USP5: variants seen among roughly 807,000 people sequenced by gnomAD.
The protein encoded by USP5 is ubiquitin specific peptidase 5, also known as ubiquitin carboxyl-terminal hydrolase 5.
USP5 carries 24 observed loss-of-function variants against 102.5 expected under a neutral mutation model. That is an observed-to-expected ratio of 0.23 (90% confidence interval 0.17 to 0.33). The LOEUF (loss-of-function observed/expected upper bound fraction) is 0.33, where lower values mean the gene tolerates loss of function less well. Ranked by LOEUF, USP5 falls within the 10% of genes least tolerant of loss-of-function variation. The pLI is 1.00. For missense variants in USP5, 753 were observed against 1,122.1 expected, an observed-to-expected ratio of 0.67 and a Z score of 4.70; for synonymous variants, 460 against 434.8, an observed-to-expected ratio of 1.06 and a Z score of -0.72.
Position 6,863,154 on chromosome 12 carries a change from C to G in USP5, c.1763-32C>G. 1 of 1,580,018 alleles carries G rather than the reference C, an allele frequency of 6.3e-7. No homozygotes were observed. Among genetic ancestry groups the G allele is most frequent in the East Asian group, 2.2e-5 (1 of 44,524 alleles). On this transcript the variant is annotated intron_variant, in intron 14 of 19. Coordinates refer to ENST00000229268, the MANE Select transcript of USP5 (RefSeq NM_001098536.2). The surrounding 1 kb of genome is among the most constrained non-coding windows in gnomAD (Gnocchi z 4.7). ...CCGAATCACTTTCCAGGTAGGCCTC[C>G]GGGAGCTGCTGAGGTGACCCTTTTC...
At position 6,860,525 on chromosome 12, in the gene USP5, C is replaced by T; in HGVS notation, c.1344+34C>T. The T allele has an allele frequency of 6.2e-7, 1 of 1,611,618 alleles. No individual in the cohort carries two copies. Among genetic ancestry groups the T allele is most frequent in the African/African-American group, 1.3e-5 (1 of 74,982 alleles). ...TGGCAAGATGGCACACCCCCATCTTCCTGCAATTTACTCGCTCTCCTTCCT... is the reference window on the plus strand; with the variant it reads ...TGGCAAGATGGCACACCCCCATCTTTCTGCAATTTACTCGCTCTCCTTCCT... On this transcript the variant is annotated intron_variant, in intron 11 of 19. Transcript: ENST00000229268. This position sits in a 1 kb window ranked among gnomAD's most constrained non-coding sequence, Gnocchi z 5.5.
rs1282125573 is a variant in USP5, at chr12:6,858,775, T to C, written c.1058+158T>C. Reference sequence around the variant, plus strand: ...GGCCCACACCCGTAATCCCAGTACTTCGGGAGGCCAAGATGGGAGAATTGC... The same window carrying C: ...GGCCCACACCCGTAATCCCAGTACTCCGGGAGGCCAAGATGGGAGAATTGC... On this transcript the variant is annotated intron_variant, in intron 8 of 19. Coordinates refer to ENST00000229268, the MANE Select transcript of USP5 (RefSeq NM_001098536.2). The surrounding 1 kb of genome is among the most constrained non-coding windows in gnomAD (Gnocchi z 4.2). 8 of 631,846 alleles carry C rather than the reference T, an allele frequency of 1.3e-5. No individual in the cohort carries two copies. Among genetic ancestry groups the C allele is most frequent in the Non-Finnish European group, 1.8e-5 (7 of 390,254 alleles). 39.1% of individuals were successfully genotyped at this position (631,846 alleles called of 1,614,324 possible).
chr12:6,852,322 C>T (rs781809049), intron 1 of USP5, 32 bp downstream of exon 1: 6 of 1,578,166 alleles, frequency 3.8e-6, no homozygotes, highest in Non-Finnish European at 5.2e-6. Context: ...GCAACGAGCA[C>T]GACTTCCTTC....
Position 6,864,871 on chromosome 12 carries a change from T to C in USP5, c.2394T>C (p.Pro798=). Residue 798 remains proline (P), a synonymous_variant, in exon 18 of 20, where the codon CCT becomes CCC. Coordinates refer to ENST00000229268, the MANE Select transcript of USP5 (RefSeq NM_001098536.2). This position sits in a 1 kb window ranked among gnomAD's most constrained non-coding sequence, Gnocchi z 4.8. Reference sequence around the variant, plus strand: ...TGGGACCTAAAGTCCGGGATGGTCCTGGAAGTGAGTATCCCCAGGAAGCAG... The same window carrying C: ...TGGGACCTAAAGTCCGGGATGGTCCCGGAAGTGAGTATCCCCAGGAAGCAG... ...VPVGPKVRDG[P]GKYQLFAFIS... is the part of the protein sequence containing the mutation. 1.2e-6 allele frequency: 2 copies of C among 1,613,270 alleles called. No individual in the cohort carries two copies. Among genetic ancestry groups the C allele is most frequent in the East Asian group, 2.2e-5 (1 of 44,870 alleles).
At position 6,858,451 on chromosome 12, in the gene USP5, A is replaced by G; in HGVS notation, c.892A>G (p.Ile298Val). ...KTDKTMTELE[I>V]DMNQRIGEWE... ...AGACAAGACGATGACTGAGTTGGAG[A>G]TAGACATGAACCAGCGGATTGGTGA... Residue 298 changes from isoleucine to valine, a missense_variant, in exon 8 of 20, where the codon ATA (isoleucine) becomes GTA (valine). Transcript: ENST00000229268. The surrounding 1 kb of genome is among the most constrained non-coding windows in gnomAD (Gnocchi z 4.2). 6.2e-7 allele frequency: 1 copy of G among 1,608,158 alleles called. No homozygotes were observed. The highest frequency in any genetic ancestry group is 8.5e-7 in the Non-Finnish European group (1 of 1,174,906).
In USP5 at chr12:6,860,018, G is replaced by T; in HGVS notation, c.1131-133G>T. The T allele has an allele frequency of 1.1e-6, 1 of 947,430 alleles. No individual in the cohort carries two copies. 58.7% of individuals were successfully genotyped at this position (947,430 alleles called of 1,614,324 possible). A position where few individuals can be genotyped will look rare whatever the true frequency, so the allele number is the denominator to read the frequency against. ...TGGACGTGTTGTCTGTCTTGAGCTG[G>T]GTTCCTGTAGAATCTAAGGTTTTTC... On this transcript the variant is annotated intron_variant, in intron 9 of 19. Transcript: ENST00000229268. This position sits in a 1 kb window ranked among gnomAD's most constrained non-coding sequence, Gnocchi z 5.5.
chr12:6,859,848 G>T (rs966156744), intron 9 of USP5, among the ~76,000 whole-genome samples: 4 of 152,082 alleles, frequency 2.6e-5, no homozygotes, highest in Non-Finnish European at 4.4e-5. Context: ...GTAGAGACGG[G>T]GTTTCATCAT....
In USP5 at chr12:6,864,443, A is replaced by T. The variant is rs1944368679; in HGVS notation, c.2244+248A>T. On this transcript the variant is annotated intron_variant, in intron 17 of 19. Transcript: ENST00000229268. This position sits in a 1 kb window ranked among gnomAD's most constrained non-coding sequence, Gnocchi z 4.8. ...GGTGGCTCACGCCTGTAATCCCAGC[A>T]CTTTGGGAGGGTGAGGTGGGCGGAT... Among the ~76,000 whole-genome samples the T allele has an allele frequency of 1.3e-5, 2 of 152,224 alleles. No individual in the cohort carries two copies. Among genetic ancestry groups the T allele is most frequent in the Non-Finnish European group, 2.9e-5 (2 of 68,042 alleles).
chr12:6,856,961 A>T lies in USP5; in HGVS notation c.769+70A>T. Reference sequence around the variant, plus strand: ...TCATTTGTTAGTAATTTCGTGTGACATGTATAATACATGAATGCATTATCT... The same window carrying T: ...TCATTTGTTAGTAATTTCGTGTGACTTGTATAATACATGAATGCATTATCT... On this transcript the variant is annotated intron_variant, in intron 6 of 19. Transcript: ENST00000229268. The surrounding 1 kb of genome is among the most constrained non-coding windows in gnomAD (Gnocchi z 5.6). The T allele has an allele frequency of 6.5e-7, 1 of 1,549,356 alleles. No individual in the cohort carries two copies. Among genetic ancestry groups the T allele is most frequent in the Non-Finnish European group, 8.7e-7 (1 of 1,144,182 alleles).
rs1944241697 is a variant in USP5, at chr12:6,860,299, G to A, written c.1218+61G>A. ...ATTGTGGGGAAGCTGAGGTCTGGGA[G>A]ATGTCTAAAGAAGGCCCCTGGATGG... On this transcript the variant is annotated intron_variant, in intron 10 of 19. Transcript: ENST00000229268. The surrounding 1 kb of genome is among the most constrained non-coding windows in gnomAD (Gnocchi z 5.5). The A allele has an allele frequency of 1.2e-6, 2 of 1,612,488 alleles. No individual in the cohort carries two copies. The highest frequency in any genetic ancestry group is 1.7e-5 in the Admixed American group (1 of 59,936).
Position 6,862,539 on chromosome 12 carries a change from C to T in USP5, c.1743C>T (p.Asp581=), listed in dbSNP as rs782673222. The T allele has an allele frequency of 7.2e-5, 117 of 1,614,170 alleles. 1 individual carries two copies. The South Asian group carries it at 1.2e-3, about 17-fold the overall frequency. ...TCAAGAAGTTCACCTTCGGCTTAGA[C>T]TGGGTGCCCAAGAAACTGGGTATGG... The part of the protein sequence containing the change: ...IQIKKFTFGL[D]WVPKKLDVSI... Residue 581 remains aspartate, a synonymous_variant, in exon 14 of 20, where the codon GAC becomes GAT. Coordinates refer to ENST00000229268, the MANE Select transcript of USP5 (RefSeq NM_001098536.2).
rs1377250348 is a variant in USP5 at position 6,860,822 on chromosome 12, TCTGCTCTGCTC to T, written c.1345-130_1345-120del. The T allele has an allele frequency of 2.0e-4, 277 of 1,360,476 alleles. 1 individual carries two copies. Among genetic ancestry groups the T allele is most frequent in the Non-Finnish European group, 2.7e-4 (269 of 987,388 alleles). 84.3% of individuals were successfully genotyped at this position (1,360,476 alleles called of 1,614,324 possible). A position where few individuals can be genotyped will look rare whatever the true frequency, so the allele number is the denominator to read the frequency against. Reference sequence around the variant, plus strand: ...AGGGGTTGGTGAATTAGGGAAGGTTTCTGCTCTGCTCTTGTGTCCCTGAGTTCCGAGTGGTA... The same window carrying T: ...AGGGGTTGGTGAATTAGGGAAGGTTTTTGTGTCCCTGAGTTCCGAGTGGTA... On this transcript the variant is annotated intron_variant, in intron 11 of 19. Coordinates refer to ENST00000229268, the MANE Select transcript of USP5 (RefSeq NM_001098536.2). This position sits in a 1 kb window ranked among gnomAD's most constrained non-coding sequence, Gnocchi z 5.5.
chr12:6,856,873 A>G lies in USP5; in HGVS notation c.751A>G (p.Ile251Val), dbSNP rs1555128453. 2.5e-6 allele frequency: 4 copies of G among 1,614,046 alleles called. No homozygotes were observed. The South Asian group carries it at 3.3e-5, about 13-fold the overall frequency. Residue 251 changes from isoleucine to valine, a missense_variant, in exon 6 of 20, where the codon ATC (isoleucine) becomes GTC (valine). By Grantham distance (29) the Ile-to-Val change is conservative (BLOSUM62 3). Around this residue, in one of 3 missense-constraint regions of USP5, gnomAD observed 527 missense variants for 816.5 expected, o/e 0.65. Coordinates refer to ENST00000229268, the MANE Select transcript of USP5 (RefSeq NM_001098536.2). The surrounding 1 kb of genome is among the most constrained non-coding windows in gnomAD (Gnocchi z 5.6). ...CCCGTTAGCTGTCAAGCTGGGCACC[A>G]TCACCCCTGATGGAGCTGGTACAGC... ...GYPLAVKLGT[I>V]TPDGADVYSY...
chr12:6,866,364 G>A lies in USP5; in HGVS notation c.*287G>A. On this transcript the variant is annotated 3_prime_UTR_variant, in exon 20 of 20. Transcript: ENST00000229268. The surrounding 1 kb of genome is among the most constrained non-coding windows in gnomAD (Gnocchi z 4.7). The stretch of plus-strand genomic sequence containing the variant: ...AATCCACAGTGCTCTGCTTCTCTGT[G>A]TCGCCCCGCCCAGCCCCCTGGTGTG... 1 of 412,506 alleles carries A rather than the reference G, an allele frequency of 2.4e-6. No homozygotes were observed. 25.6% of individuals were successfully genotyped at this position (412,506 alleles called of 1,614,324 possible).
chr12:6,854,743 G>C (rs1944057668), intron 1 of USP5, among the ~76,000 whole-genome samples: 1 of 152,032 alleles, frequency 6.6e-6, no homozygotes, highest in East Asian at 1.9e-4. Context: ...GGGTGACAGA[G>C]TGCAGTGTCT....
At chr12:6,853,977 GA>G (rs1944032738) in intron 1 of USP5, among the ~76,000 whole-genome samples, 1 of 152,186 alleles carries the variant, frequency 6.6e-6, no homozygotes, top group Non-Finnish European at 1.5e-5. Context: ...CCTGGAAGAG[GA>G]TGTCTGTTGT....
Position 6,858,983 on chromosome 12 carries a change from A to G in USP5, c.1058+366A>G, listed in dbSNP as rs781858031. ...CTGATAGTGCAGAGTGCCAAGTCCC[A>G]GGGCTCTGTGGCCTTCTGACAGACT... is the stretch of plus-strand genomic sequence containing the variant. On this transcript the variant is annotated intron_variant, in intron 8 of 19. Transcript: ENST00000229268. This position sits in a 1 kb window ranked among gnomAD's most constrained non-coding sequence, Gnocchi z 4.2. 2.0e-5 allele frequency among the ~76,000 whole-genome samples: 3 copies of G among 152,146 alleles called. No homozygotes were observed. Among genetic ancestry groups the G allele is most frequent in the Non-Finnish European group, 4.4e-5 (3 of 68,028 alleles).
At chr12:6,862,625 TA>T (rs782331280) in intron 14 of USP5, 67 bp downstream of exon 14, 70 of 1,412,264 alleles carry the variant, frequency 5.0e-5, no homozygotes, top group African/African-American at 3.1e-4. Flanking sequence ...TTAACACATA[TA>T]AACTAGTGTT....
Position 6,852,207 on chromosome 12 carries a change from C to T in USP5, c.28C>T (p.Leu10=), listed in dbSNP as rs782277301. The part of the protein sequence containing the change: MAELSEEAL[L]SVLPTIRVPK... The stretch of plus-strand genomic sequence containing the variant: ...GGCGGAGCTGAGTGAGGAGGCGCTG[C>T]TGTCAGTATTACCGACGATCCGGGT... The change falls in exon 1 of 20, where the codon CTG becomes TTG. Residue 10 remains leucine (L), a synonymous_variant. Transcript: ENST00000229268. The T allele has an allele frequency of 5.6e-6, 9 of 1,612,864 alleles. No individual in the cohort carries two copies. In the East Asian group the frequency reaches 1.1e-4, roughly 20 times the overall value.
Sources: gnomAD v4.1 joint callset for allele counts (sites outside exome capture counted in the v4.1 genomes callset) on GRCh38, gnomAD v4.1.1 for gene constraint, gnomAD v4.1.1 regional missense constraint, Gnocchi (gnomAD v3.1) non-coding constraint, MANE v1.5 for transcripts, NCBI Gene and HGNC (gene_info 2026-07-23, HGNC 2026-07-21) for gene names.